Variants in ADAT2 observed in about 807,000 individuals in gnomAD.
The protein encoded by ADAT2 is adenosine deaminase tRNA specific 2.
Under a neutral mutation model 25.9 loss-of-function variants are expected in ADAT2, and 26 were observed. That is an observed-to-expected ratio of 1.00 (90% CI 0.74 to 1.39). The LOEUF (loss-of-function observed/expected upper bound fraction) is 1.39, where lower values mean the gene tolerates loss of function less well. ADAT2 is among the 40% of genes most tolerant of loss of function. ADAT2 has a pLI of 0.00. For synonymous variants in ADAT2, 76 were observed against 86.8 expected (o/e 0.88, Z 0.69); for missense variants, 220 against 244.8 (o/e 0.90, Z 0.68).
Position 143,428,134 on chromosome 6 carries a change from A to G in ADAT2, c.*329T>C, listed in dbSNP as rs1332431319. The G allele has an allele frequency of 1.5e-5, 4 of 275,272 alleles. No homozygotes were observed. The East Asian group carries it at 3.0e-4, about 21-fold the overall frequency. The allele number at this position is 275,272 out of a possible 1,614,324, so 17.1% of individuals were successfully genotyped here. On this transcript the variant is annotated 3_prime_UTR_variant, in exon 6 of 6. Transcript: ENST00000237283. The surrounding 1 kb of genome is among the most constrained non-coding windows in gnomAD (Gnocchi z 5.0). ...ACTCCAGGTCCCTGGGTCTGGCCAC[A>G]CATTCTCTAAGAAGTCAGCACTTGC...
At chr6:143,439,840 A>G (rs1444374982) in intron 1 of ADAT2, among the ~76,000 whole-genome samples, 1 of 152,134 alleles carries the variant, frequency 6.6e-6, no homozygotes, top group South Asian at 2.1e-4. Context: ...TATATAAAGT[A>G]TACCTCAACT....
intron 4 of ADAT2, among the ~76,000 whole-genome samples, chr6:143,430,099 C>T (rs1779060929): frequency 6.6e-6 from 1 of 152,204 alleles, no homozygotes. Context: ...CACACCTGCT[C>T]TGTCTGACCG....
chr6:143,435,357 T>C (rs1405160153), intron 2 of ADAT2, among the ~76,000 whole-genome samples: 1 of 151,306 alleles, frequency 6.6e-6, no homozygotes, highest in Non-Finnish European at 1.5e-5. Context: ...GGAGAGGAGG[T>C]GGTGGTGGCG....
In ADAT2 at chr6:143,437,479, A is replaced by G. The variant is rs1779323764; in HGVS notation, c.201+1111T>C. 6.6e-6 allele frequency among the ~76,000 whole-genome samples: 1 copy of G among 152,104 alleles called. No homozygotes were observed. The highest frequency in any genetic ancestry group is 2.1e-4 in the South Asian group (1 of 4,834). On this transcript the variant is annotated intron_variant, in intron 2 of 5. Transcript: ENST00000237283. The surrounding 1 kb of genome is among the most constrained non-coding windows in gnomAD (Gnocchi z 4.1). ...CTCTGTTACTGATTTCTAAGAACTC[A>G]TTTCTGATTAAGGATGTGAACATTT...
chr6:143,439,295 C>T (rs1204516062), intron 1 of ADAT2, among the ~76,000 whole-genome samples: 1 of 130,620 alleles, frequency 7.7e-6, no homozygotes, highest in Non-Finnish European at 1.6e-5. Context: ...CACACACAGT[C>T]TATAACAAAA....
Position 143,432,137 on chromosome 6 carries a change from C to A in ADAT2, c.459+368G>T, listed in dbSNP as rs1343507379. Among the ~76,000 whole-genome samples the A allele has an allele frequency of 2.6e-5, 4 of 152,208 alleles. No individual in the cohort carries two copies. In the East Asian group the frequency reaches 7.7e-4, roughly 29 times the overall value. The stretch of plus-strand genomic sequence containing the variant: ...TAAATAGTCTCTAGCGTCACTGACA[C>A]AGGCCAAGCATCACCAAACTTGGTA... On this transcript the variant is annotated intron_variant, in intron 4 of 5. Transcript: ENST00000237283. The surrounding 1 kb of genome is among the most constrained non-coding windows in gnomAD (Gnocchi z 4.4).
intron 4 of ADAT2, among the ~76,000 whole-genome samples, chr6:143,431,423 T>G (rs1205480951): frequency 6.6e-6 from 1 of 152,232 alleles, no homozygotes; most frequent in East Asian, 1.9e-4. Flanking sequence ...AGCAATTCAT[T>G]TGCAAAGAGT....
rs1778912429 is a variant in ADAT2, at chr6:143,425,733, T to TGTGTGTGTG, written c.*2729_*2730insCACACACAC. The TGTGTGTGTG allele has an allele frequency of 2.3e-4, 32 of 136,584 alleles. No individual in the cohort carries two copies. Among genetic ancestry groups the TGTGTGTGTG allele is most frequent in the Admixed American group, 1.1e-3 (15 of 13,570 alleles). The allele number at this position is 136,584 out of a possible 1,614,324, so 8.5% of individuals were successfully genotyped here. A position where few individuals can be genotyped will look rare whatever the true frequency, so the allele number is the denominator to read the frequency against. On this transcript the variant is annotated 3_prime_UTR_variant, in exon 6 of 6. Transcript: ENST00000237283. ...GGTAAAGGGCCATGGTGTGTTGTGT[T>TGTGTGTGTG]TGTGTGTGTGTGTGTGTGTGTGTGT... is the stretch of plus-strand genomic sequence containing the variant.
chr6:143,443,250 C>T (rs1779512983), intron 1 of ADAT2, among the ~76,000 whole-genome samples: 3 of 152,050 alleles, frequency 2.0e-5, no homozygotes, highest in African/African-American at 2.4e-5. Flanking sequence ...GTTCAACAAA[C>T]ATTTGTGGAG....
At chr6:143,443,481 T>C (rs1779518525) in intron 1 of ADAT2, among the ~76,000 whole-genome samples, 1 of 152,100 alleles carries the variant, frequency 6.6e-6, no homozygotes. Context: ...TAGTGAGCTA[T>C]GATCATGCCA....
intron 1 of ADAT2, 45 bp downstream of exon 1, chr6:143,450,518 G>C (rs754043827): frequency 3.1e-6 from 5 of 1,599,980 alleles, no homozygotes; most frequent in Non-Finnish European, 3.4e-6. Context: ...GTTGAGGGCT[G>C]GAGAAAGGTC....
rs1178450911 is a variant in ADAT2 at position 143,450,633 on chromosome 6, G to T, written c.26C>A (p.Pro9Gln). Residue 9 changes from proline (P) to glutamine (Q), a missense_variant, in exon 1 of 6, where the codon CCA becomes CAA. Pro to Gln is a moderately conservative substitution (Grantham distance 76). Transcript: ENST00000237283. ...CACCGAGCACGCGCCGCTTGCAGCT[G>T]GCTTGGGTGCCGCCTTCGCCTCCAT... is the stretch of plus-strand genomic sequence containing the variant. MEAKAAPK[P>Q]AASGACSVSA... 6.2e-7 allele frequency: 1 copy of T among 1,613,816 alleles called. No homozygotes were observed. The highest frequency in any genetic ancestry group is 8.5e-7 in the Non-Finnish European group (1 of 1,180,040).
At chr6:143,435,476 G>A (rs902472937) in intron 2 of ADAT2, among the ~76,000 whole-genome samples, 15 of 152,072 alleles carry the variant, frequency 9.9e-5, no homozygotes, top group South Asian at 2.1e-4. Flanking sequence ...TTTATGACAC[G>A]GAATAACAAA....
In ADAT2 at chr6:143,430,061, C is replaced by G. The variant is rs1474127339; in HGVS notation, c.460-1377G>C. The stretch of plus-strand genomic sequence containing the variant: ...AACACTTGCCTCCTTTCAGATTCCT[C>G]AACTCTGCAGTCCTGGAGGCAACTG... On this transcript the variant is annotated intron_variant, in intron 4 of 5. Transcript: ENST00000237283. Among the ~76,000 whole-genome samples the G allele has an allele frequency of 2.0e-5, 3 of 152,188 alleles. No homozygotes were observed. The South Asian group carries it at 6.2e-4, about 32-fold the overall frequency.
At position 143,444,996 on chromosome 6, in the gene ADAT2, C is replaced by A. The variant is rs1203491637; in HGVS notation, c.96+5567G>T. 2 of 1,294,116 alleles carry A rather than the reference C, an allele frequency of 1.5e-6. No individual in the cohort carries two copies. The highest frequency in any genetic ancestry group is 2.0e-6 in the Non-Finnish European group (2 of 980,556). The allele number at this position is 1,294,116 out of a possible 1,614,324, so 80.2% of individuals were successfully genotyped here. A position where few individuals can be genotyped will look rare whatever the true frequency, so the allele number is the denominator to read the frequency against. Reference sequence around the variant, plus strand: ...TATAAAGACAAAAAATTAGGGGGAACAAACAAGTTAGCCAGAACTCTCAGG... The same window carrying A: ...TATAAAGACAAAAAATTAGGGGGAAAAAACAAGTTAGCCAGAACTCTCAGG... On this transcript the variant is annotated intron_variant, in intron 1 of 5. Coordinates refer to ENST00000237283, the MANE Select transcript of ADAT2 (RefSeq NM_182503.3). This position sits in a 1 kb window ranked among gnomAD's most constrained non-coding sequence, Gnocchi z 4.3.
intron 1 of ADAT2, among the ~76,000 whole-genome samples, chr6:143,439,840 A>C (rs1444374982): frequency 6.6e-6 from 1 of 152,134 alleles, no homozygotes; most frequent in Non-Finnish European, 1.5e-5. Context: ...TATATAAAGT[A>C]TACCTCAACT....
chr6:143,431,160 T>C (rs1208123570), intron 4 of ADAT2, among the ~76,000 whole-genome samples: 1 of 152,228 alleles, frequency 6.6e-6, no homozygotes, highest in Non-Finnish European at 1.5e-5. Context: ...AGCCTGGAGA[T>C]ATGGCTGCAA....
rs9484751 is a variant in ADAT2, at chr6:143,442,476, T to C, written c.97-3782A>G. ...CATGACAAAATTGCATAGGCACGCA[T>C]ACACACACACACACACACACACACA... On this transcript the variant is annotated intron_variant, in intron 1 of 5. Transcript: ENST00000237283. This position sits in a 1 kb window ranked among gnomAD's most constrained non-coding sequence, Gnocchi z 4.6. Among the ~76,000 whole-genome samples the C allele has an allele frequency of 3.9e-4, 55 of 142,228 alleles. No individual in the cohort carries two copies. Among genetic ancestry groups the C allele is most frequent in the African/African-American group, 9.4e-4 (36 of 38,262 alleles). 93.3% of individuals were successfully genotyped at this position (142,228 alleles called of 152,430 possible). A position where few individuals can be genotyped will look rare whatever the true frequency, so the allele number is the denominator to read the frequency against.
In ADAT2 at chr6:143,426,452, G is replaced by A. The variant is rs1190688706; in HGVS notation, c.*2011C>T. On this transcript the variant is annotated 3_prime_UTR_variant, in exon 6 of 6. Transcript: ENST00000237283. This position sits in a 1 kb window ranked among gnomAD's most constrained non-coding sequence, Gnocchi z 4.1. ...ACTGTGCCCCAGTCCAAACATTTAG[G>A]ACAGATTTTCGATAGGTTAATTACT... 1 of 152,110 alleles carries A rather than the reference G, an allele frequency of 6.6e-6. No individual in the cohort carries two copies. Among genetic ancestry groups the A allele is most frequent in the Non-Finnish European group, 1.5e-5 (1 of 68,022 alleles). 9.4% of individuals were successfully genotyped at this position (152,110 alleles called of 1,614,324 possible).
Sources: allele counts gnomAD v4.1 joint callset (sites outside exome capture counted in the v4.1 genomes callset), GRCh38; gene constraint gnomAD v4.1.1; non-coding constraint Gnocchi (gnomAD v3.1); transcripts MANE v1.5; gene names NCBI Gene and HGNC (gene_info 2026-07-23, HGNC 2026-07-21).